CBFA2T3: variants seen among roughly 807,000 people sequenced by gnomAD.
CBFA2T3 encodes the protein transcriptional corepressor CBFA2T3.
CBFA2T3 carries 31 observed loss-of-function variants against 58.6 expected under a neutral mutation model. The ratio of observed to expected loss-of-function variants is 0.53; its 90% CI spans 0.40 to 0.71. The LOEUF (loss-of-function observed/expected upper bound fraction) is 0.71. Ranked by LOEUF, CBFA2T3 falls within the 30% of genes least tolerant of loss-of-function variation. The pLI is 0.00. For missense variants in CBFA2T3, 1,076 were observed against 963.1 expected (o/e 1.12, Z -1.55); for synonymous variants, 531 against 421.9 (o/e 1.26, Z -3.17).
intron 5 of CBFA2T3, among the ~76,000 whole-genome samples, chr16:88,888,576 G>GGGA (rs1204451113): frequency 1.2e-5 from 1 of 82,122 alleles, no homozygotes; most frequent in Non-Finnish European, 2.4e-5. Context: ...GGTGGGGTGG[G>GGGA]AGGGGGTGGG....
intron 5 of CBFA2T3, among the ~76,000 whole-genome samples, chr16:88,887,862 G>C (rs1345080817): frequency 6.6e-6 from 1 of 152,190 alleles, no homozygotes; most frequent in African/African-American, 2.4e-5. Flanking sequence ...TCAGGCTGGG[G>C]AACTGGTGTT....
chr16:88,952,567 A>T (rs1452604079), intron 1 of CBFA2T3, among the ~76,000 whole-genome samples: 1 of 151,760 alleles, frequency 6.6e-6, no homozygotes, highest in African/African-American at 2.4e-5. Context: ...TCAGCTCCTG[A>T]GCCTGGGGTG....
intron 3 of CBFA2T3, among the ~76,000 whole-genome samples, chr16:88,896,568 T>C (rs528752298): frequency 6.5e-4 from 99 of 152,198 alleles, no homozygotes; most frequent in African/African-American, 2.3e-3. Flanking sequence ...GTGAGCTCCA[T>C]GTGGCCACAC....
At chr16:88,879,509 G>A in intron 10 of CBFA2T3, 49 bp from the exon 11 acceptor site, 5 of 1,563,198 alleles carry the variant, frequency 3.2e-6, no homozygotes, top group African/African-American at 1.3e-5. Flanking sequence ...CATCCCAGAT[G>A]GGTCTCTGGA....
At chr16:88,923,261 C>T (rs1335201772) in intron 1 of CBFA2T3, among the ~76,000 whole-genome samples, 2 of 152,140 alleles carry the variant, frequency 1.3e-5, no homozygotes, top group African/African-American at 2.4e-5. Context: ...CCCTGTGAAA[C>T]GGGGGGGACC....
At chr16:88,926,961 T>C (rs1446557542) in intron 1 of CBFA2T3, among the ~76,000 whole-genome samples, 4 of 152,114 alleles carry the variant, frequency 2.6e-5, no homozygotes, top group Non-Finnish European at 4.4e-5. Context: ...TCACTGGTCC[T>C]GGAGGTGGCG....
chr16:88,875,020 T>G lies in CBFA2T3; in HGVS notation c.*1956A>C, dbSNP rs991234606. Reference sequence around the variant, plus strand: ...GTTCAGTAGCTGGGTCACTCCCGTATTGCACTGAGTTCCTAGAACTCCTGA... The same window carrying G: ...GTTCAGTAGCTGGGTCACTCCCGTAGTGCACTGAGTTCCTAGAACTCCTGA... On this transcript the variant is annotated 3_prime_UTR_variant, in exon 12 of 12. Coordinates refer to ENST00000268679, the MANE Select transcript of CBFA2T3 (RefSeq NM_005187.6). The G allele has an allele frequency of 1.3e-5, 3 of 234,372 alleles. No homozygotes were observed. The highest frequency in any genetic ancestry group is 2.5e-5 in the Non-Finnish European group (3 of 118,442). 14.5% of individuals were successfully genotyped at this position (234,372 alleles called of 1,614,324 possible). A position where few individuals can be genotyped will look rare whatever the true frequency, so the allele number is the denominator to read the frequency against.
intron 8 of CBFA2T3, chr16:88,881,720 C>T (rs925946398): frequency 1.4e-5 from 7 of 499,022 alleles, no homozygotes; most frequent in Admixed American, 1.0e-4. Flanking sequence ...CGTGCCTAGA[C>T]GCACGCAGGA....
rs1024815149 is a variant in CBFA2T3 at position 88,953,602 on chromosome 16, G to T, written c.151+23055C>A. Among the ~76,000 whole-genome samples the T allele has an allele frequency of 6.6e-6, 1 of 152,194 alleles. No homozygotes were observed. The highest frequency in any genetic ancestry group is 2.4e-5 in the African/African-American group (1 of 41,448). On this transcript the variant is annotated intron_variant, in intron 1 of 11. Transcript: ENST00000268679. The surrounding 1 kb of genome is among the most constrained non-coding windows in gnomAD (Gnocchi z 4.9). ...GCCTGGGGGCTCCCGGCTGGGGACA[G>T]TGCCAGCAGGAGTGGCCGGGACGAT...
chr16:88,910,562 G>A (rs1970499099), intron 1 of CBFA2T3, among the ~76,000 whole-genome samples: 1 of 152,216 alleles, frequency 6.6e-6, no homozygotes. Context: ...CTGAAGGCGT[G>A]GGGACAGGCA....
At chr16:88,934,270 C>A (rs1377126308) in intron 1 of CBFA2T3, among the ~76,000 whole-genome samples, 1 of 152,190 alleles carries the variant, frequency 6.6e-6, no homozygotes, top group Non-Finnish European at 1.5e-5. Context: ...AGAAGGGCTG[C>A]CCCACAGTGG....
At position 88,885,774 on chromosome 16, in the gene CBFA2T3, G is replaced by T; in HGVS notation, c.893+187C>A. On this transcript the variant is annotated intron_variant, in intron 6 of 11. Transcript: ENST00000268679. This position sits in a 1 kb window ranked among gnomAD's most constrained non-coding sequence, Gnocchi z 5.3. ...GGAGCATCTGAGTCTGCAGCCCACT[G>T]GGGTGTCCGCCCGTGCAGCCACCAA... 3 of 593,230 alleles carry T rather than the reference G, an allele frequency of 5.1e-6. No individual in the cohort carries two copies. Among genetic ancestry groups the T allele is most frequent in the Non-Finnish European group, 9.0e-6 (3 of 334,656 alleles). 36.7% of individuals were successfully genotyped at this position (593,230 alleles called of 1,614,324 possible).
chr16:88,898,308 T>C (rs1238374118), intron 2 of CBFA2T3, among the ~76,000 whole-genome samples, 156 bp from the exon 3 acceptor site: 2 of 151,400 alleles, frequency 1.3e-5, no homozygotes, highest in African/African-American at 4.9e-5. Context: ...GGGCCGCCTT[T>C]TCTTGCTTCT....
At chr16:88,965,363 G>A (rs2142872164) in intron 1 of CBFA2T3, among the ~76,000 whole-genome samples, 1 of 152,308 alleles carries the variant, frequency 6.6e-6, no homozygotes, top group East Asian at 1.9e-4. Flanking sequence ...AACATATTAG[G>A]TATGCTAGAA....
chr16:88,961,312 C>T (rs1031749182), intron 1 of CBFA2T3, among the ~76,000 whole-genome samples: 9 of 152,162 alleles, frequency 5.9e-5, no homozygotes, highest in South Asian at 2.1e-4. Flanking sequence ...GCATAGTAAC[C>T]GACACTCACC....
Position 88,971,263 on chromosome 16 carries a change from C to A in CBFA2T3, c.151+5394G>T, listed in dbSNP as rs138991259. 4.1e-4 allele frequency among the ~76,000 whole-genome samples: 62 copies of A among 152,292 alleles called. No individual in the cohort carries two copies. In the East Asian group the frequency reaches 0.012, roughly 29 times the overall value. On this transcript the variant is annotated intron_variant, in intron 1 of 11. Coordinates refer to ENST00000268679, the MANE Select transcript of CBFA2T3 (RefSeq NM_005187.6). ...TAGCTGGGATTACAAGCACCCACTA[C>A]CACACTCAGCTAATTTTTGTATATT... is the stretch of plus-strand genomic sequence containing the variant.
At chr16:88,939,651 T>C (rs2142800518) in intron 1 of CBFA2T3, 1 of 152,384 alleles carries the variant, frequency 6.6e-6, no homozygotes, top group East Asian at 1.9e-4. Flanking sequence ...CCTGTGGAAG[T>C]ATCTGACTCC....
chr16:88,965,437 T>C (rs1198682882), intron 1 of CBFA2T3, among the ~76,000 whole-genome samples: 1 of 152,238 alleles, frequency 6.6e-6, no homozygotes, highest in Non-Finnish European at 1.5e-5. Flanking sequence ...TGTGGCACCA[T>C]TGCCAAGGGT....
rs567238940 is a variant in CBFA2T3 at position 88,973,423 on chromosome 16, A to G, written c.151+3234T>C. Among the ~76,000 whole-genome samples, 6 of 152,196 alleles carry G rather than the reference A, an allele frequency of 3.9e-5. No individual in the cohort carries two copies. The South Asian group carries it at 1.2e-3, about 32-fold the overall frequency. ...CGGCCATCTGACGCCTTAGTTTCGG[A>G]CTTCCAGCCTGCGGCACTGTGAGAA... On this transcript the variant is annotated intron_variant, in intron 1 of 11. Coordinates refer to ENST00000268679, the MANE Select transcript of CBFA2T3 (RefSeq NM_005187.6).
Sources: allele counts gnomAD v4.1 joint callset (sites outside exome capture counted in the v4.1 genomes callset), GRCh38; gene constraint gnomAD v4.1.1; non-coding constraint Gnocchi (gnomAD v3.1); transcripts MANE v1.5; gene names NCBI Gene and HGNC (gene_info 2026-07-23, HGNC 2026-07-21).